Variants in KCNMB2 observed in about 807,000 individuals in gnomAD.
KCNMB2 encodes potassium calcium-activated channel subfamily M regulatory beta subunit 2, also known as calcium-activated potassium channel subunit beta-2.
A neutral mutation model predicts 24.5 loss-of-function variants in KCNMB2; 9 were observed. The observed-to-expected ratio is 0.37, with a 90% CI of 0.22 to 0.64. The LOEUF (loss-of-function observed/expected upper bound fraction) is 0.64, where lower values mean the gene tolerates loss of function less well. Among genes scored for constraint, KCNMB2 ranks in the 30% least tolerant of loss-of-function variants. KCNMB2 has a pLI of 0.63. For missense variants in KCNMB2, 226 were observed against 284.3 expected, an observed-to-expected ratio of 0.79 and a Z score of 1.47; for synonymous variants, 109 against 104.4, an observed-to-expected ratio of 1.04 and a Z score of -0.27.
At chr3:178,703,165 C>A (rs552068845) in intron 1 of KCNMB2, among the ~76,000 whole-genome samples, 56 of 152,228 alleles carry the variant, frequency 3.7e-4, no homozygotes, top group Middle Eastern at 3.4e-3. Flanking sequence ...ACCACGAGTT[C>A]TTGACCAATA....
intron 1 of KCNMB2, among the ~76,000 whole-genome samples, chr3:178,644,750 C>T (rs1719854644): frequency 1.3e-5 from 2 of 152,172 alleles, no homozygotes; most frequent in Non-Finnish European, 2.9e-5. Context: ...CATGGTGTTA[C>T]AGAAGAAATA....
chr3:178,680,041 A>G (rs1453389727), intron 1 of KCNMB2, among the ~76,000 whole-genome samples: 1 of 151,760 alleles, frequency 6.6e-6, no homozygotes, highest in Non-Finnish European at 1.5e-5. Flanking sequence ...TCGGCCCCAG[A>G]CTCCAGGGTT....
chr3:178,731,795 C>T (rs12637618), intron 1 of KCNMB2, among the ~76,000 whole-genome samples: 21,298 of 152,160 alleles, frequency 0.14, 1,839 homozygotes, highest in Non-Finnish European at 0.18. Context: ...CCCAGCTACT[C>T]GGGAGGCTAA....
At chr3:178,604,100 C>T (rs1157323773) in intron 1 of KCNMB2, among the ~76,000 whole-genome samples, 1 of 152,138 alleles carries the variant, frequency 6.6e-6, no homozygotes, top group Non-Finnish European at 1.5e-5. Flanking sequence ...ACCTCATACT[C>T]AGTGTGTCCT....
Position 178,676,111 on chromosome 3 carries a change from C to T in KCNMB2, c.-67-131232C>T, listed in dbSNP as rs77191704. 2.6e-5 allele frequency among the ~76,000 whole-genome samples: 4 copies of T among 152,226 alleles called. No individual in the cohort carries two copies. In the East Asian group the frequency reaches 7.7e-4, roughly 29 times the overall value. On this transcript the variant is annotated intron_variant, in intron 1 of 4. Transcript: ENST00000452583. ...CCCATGTTACGCCTCTAATACTAGG[C>T]TGAAGCTGAAGCTAGGGTTTAGAGA... is the stretch of plus-strand genomic sequence containing the variant.
chr3:178,536,872 A>T (rs557901533), intron 1 of KCNMB2, among the ~76,000 whole-genome samples, 161 bp downstream of exon 1: 110 of 152,318 alleles, frequency 7.2e-4, no homozygotes, highest in African/African-American at 2.5e-3. Context: ...AACACAGTGG[A>T]CAGTATTATG....
At chr3:178,760,955 A>G (rs1208182016) in intron 1 of KCNMB2, among the ~76,000 whole-genome samples, 3 of 152,146 alleles carry the variant, frequency 2.0e-5, no homozygotes, top group African/African-American at 7.2e-5. Flanking sequence ...ACTAATAACA[A>G]TATGCACCAC....
chr3:178,776,924 G>C lies in KCNMB2; in HGVS notation c.-67-30419G>C, dbSNP rs947860798. Reference sequence around the variant, plus strand: ...CTATGCAACCTTCATCAGTAAAATAGGAATAATAAAAATACCTATCTTATG... The same window carrying C: ...CTATGCAACCTTCATCAGTAAAATACGAATAATAAAAATACCTATCTTATG... On this transcript the variant is annotated intron_variant, in intron 1 of 4. Transcript: ENST00000452583. Among the ~76,000 whole-genome samples, 38 of 151,980 alleles carry C rather than the reference G, an allele frequency of 2.5e-4. 1 individual carries two copies. Among genetic ancestry groups the C allele is most frequent in the Non-Finnish European group, 5.9e-5 (4 of 68,006 alleles).
intron 1 of KCNMB2, among the ~76,000 whole-genome samples, chr3:178,767,594 A>T (rs930742605): frequency 2.6e-5 from 4 of 152,238 alleles, no homozygotes; most frequent in Non-Finnish European, 1.5e-5. Flanking sequence ...TTAAACTGCT[A>T]AAAACTAATT....
At chr3:178,547,052 T>C (rs1488959875) in intron 1 of KCNMB2, among the ~76,000 whole-genome samples, 1 of 152,232 alleles carries the variant, frequency 6.6e-6, no homozygotes, top group Non-Finnish European at 1.5e-5. Flanking sequence ...GACCTTTAGG[T>C]GAGCAGGTCA....
At chr3:178,802,960 T>C (rs932839349) in intron 1 of KCNMB2, among the ~76,000 whole-genome samples, 18 of 152,218 alleles carry the variant, frequency 1.2e-4, no homozygotes, top group African/African-American at 4.3e-4. Context: ...TTCAATCCAT[T>C]TGTTTTTAAG....
chr3:178,699,547 A>T (rs909883594), intron 1 of KCNMB2, among the ~76,000 whole-genome samples: 1 of 152,140 alleles, frequency 6.6e-6, no homozygotes, highest in Non-Finnish European at 1.5e-5. Flanking sequence ...TACAGAAGCT[A>T]TGGTGTGGGC....
At chr3:178,836,346 A>C (rs1245658680) in intron 4 of KCNMB2, among the ~76,000 whole-genome samples, 1 of 152,158 alleles carries the variant, frequency 6.6e-6, no homozygotes, top group African/African-American at 2.4e-5. Context: ...TCAGTTCCCC[A>C]AAAATTGGAG....
chr3:178,555,338 T>A (rs982437039), intron 1 of KCNMB2, among the ~76,000 whole-genome samples: 1 of 152,238 alleles, frequency 6.6e-6, no homozygotes, highest in Non-Finnish European at 1.5e-5. Flanking sequence ...TGGAATCACA[T>A]GAAGTTAAGA....
At chr3:178,672,031 A>C (rs939446542) in intron 1 of KCNMB2, among the ~76,000 whole-genome samples, 5 of 152,134 alleles carry the variant, frequency 3.3e-5, no homozygotes, top group African/African-American at 4.8e-5. Flanking sequence ...GCATGTTACC[A>C]AACTACTGGA....
Position 178,843,016 on chromosome 3 carries a change from T to C in KCNMB2, c.*79T>C. ...ATTCTTCACCAAAGAACCTTAAGTTTGTAACGTGCAGTCTGTTATGAGTTC... is the reference window on the plus strand; with the variant it reads ...ATTCTTCACCAAAGAACCTTAAGTTCGTAACGTGCAGTCTGTTATGAGTTC... On this transcript the variant is annotated 3_prime_UTR_variant, in exon 5 of 5. Coordinates refer to ENST00000452583, the MANE Select transcript of KCNMB2 (RefSeq NM_181361.3). 8.1e-7 allele frequency: 1 copy of C among 1,232,358 alleles called. No individual in the cohort carries two copies. Among genetic ancestry groups the C allele is most frequent in the Non-Finnish European group, 1.1e-6 (1 of 878,584 alleles). 76.3% of individuals were successfully genotyped at this position (1,232,358 alleles called of 1,614,324 possible).
rs185699872 is a variant in KCNMB2, at chr3:178,690,455, A to G, written c.-67-116888A>G. Among the ~76,000 whole-genome samples the G allele has an allele frequency of 3.2e-3, 482 of 152,002 alleles. 2 individuals carry two copies. The highest frequency in any genetic ancestry group is 5.4e-3 in the Admixed American group (82 of 15,292). ...AGAGAAGTGTGATAAATAATAAATA[A>G]TTTTGCACCAAAATATATAAAAGCA... On this transcript the variant is annotated intron_variant, in intron 1 of 4. Coordinates refer to ENST00000452583, the MANE Select transcript of KCNMB2 (RefSeq NM_181361.3).
chr3:178,843,009 T>A lies in KCNMB2; in HGVS notation c.*72T>A. On this transcript the variant is annotated 3_prime_UTR_variant, in exon 5 of 5. Coordinates refer to ENST00000452583, the MANE Select transcript of KCNMB2 (RefSeq NM_181361.3). ...TTCTTTCATTCTTCACCAAAGAACC[T>A]TAAGTTTGTAACGTGCAGTCTGTTA... 1 of 1,332,966 alleles carries A rather than the reference T, an allele frequency of 7.5e-7. No homozygotes were observed. The allele number at this position is 1,332,966 out of a possible 1,614,324, so 82.6% of individuals were successfully genotyped here.
intron 1 of KCNMB2, among the ~76,000 whole-genome samples, chr3:178,604,422 C>T (rs770240236): frequency 1.4e-5 from 2 of 148,036 alleles, no homozygotes; most frequent in Non-Finnish European, 3.0e-5. Flanking sequence ...AAAAAGCACA[C>T]AGTGTAACCC....
Sources: gnomAD v4.1 joint callset for allele counts (sites outside exome capture counted in the v4.1 genomes callset) on GRCh38, gnomAD v4.1.1 for gene constraint, MANE v1.5 for transcripts, NCBI Gene and HGNC (gene_info 2026-07-23, HGNC 2026-07-21) for gene names.